SAMD4A: variants seen among roughly 807,000 people sequenced by gnomAD.
SAMD4A encodes the protein sterile alpha motif domain containing 4A.
SAMD4A carries 33 observed loss-of-function variants against 81.3 expected under a neutral mutation model. The ratio of observed to expected loss-of-function variants is 0.41; its 90% confidence interval spans 0.31 to 0.54. The LOEUF is 0.54. SAMD4A is among the 20% of genes least tolerant of loss of function. The pLI is 0.37. For missense variants in SAMD4A, 854 were observed against 951.1 expected (o/e 0.90, Z 1.34); for synonymous variants, 389 against 382.1 (o/e 1.02, Z -0.21).
intron 2 of SAMD4A, among the ~76,000 whole-genome samples, chr14:54,579,205 G>T (rs1425757057): frequency 6.6e-6 from 1 of 152,192 alleles, no homozygotes; most frequent in African/African-American, 2.4e-5. Flanking sequence ...CAGAACGAGT[G>T]GTTGTGAAAA....
At chr14:54,750,354 C>A (rs1161536106) in intron 5 of SAMD4A, among the ~76,000 whole-genome samples, 1 of 152,164 alleles carries the variant, frequency 6.6e-6, no homozygotes, top group Non-Finnish European at 1.5e-5. Flanking sequence ...ATATTCCTAT[C>A]TTTTCCTTCT....
At chr14:54,596,642 G>A (rs1057271587) in intron 2 of SAMD4A, among the ~76,000 whole-genome samples, 2 of 152,146 alleles carry the variant, frequency 1.3e-5, no homozygotes, top group Non-Finnish European at 1.5e-5. Context: ...AGGAGCTGAC[G>A]CCTTAGGCAG....
rs2032979012 is a variant in SAMD4A at position 54,567,655 on chromosome 14, T to C, written c.-262T>C. ...TGCCTTGTGGGGGATTTTTAAAAAG[T>C]CGTTTTTTTTTTTAAAGAAACATTT... On this transcript the variant is annotated 5_prime_UTR_variant, in exon 2 of 13. Coordinates refer to ENST00000554335, the MANE Select transcript of SAMD4A (RefSeq NM_015589.6). The C allele has an allele frequency of 2.2e-6, 1 of 457,932 alleles. No individual in the cohort carries two copies. The highest frequency in any genetic ancestry group is 2.6e-5 in the African/African-American group (1 of 38,612). 28.4% of individuals were successfully genotyped at this position (457,932 alleles called of 1,614,324 possible).
chr14:54,721,207 A>C (rs552195906), intron 3 of SAMD4A, among the ~76,000 whole-genome samples: 4 of 152,346 alleles, frequency 2.6e-5, no homozygotes, highest in Admixed American at 6.5e-5. Context: ...TCACCATAGC[A>C]TTCCATTGTC....
chr14:54,680,814 A>G (rs1028195086), intron 2 of SAMD4A, among the ~76,000 whole-genome samples: 6 of 152,208 alleles, frequency 3.9e-5, no homozygotes, highest in Non-Finnish European at 8.8e-5. Flanking sequence ...TGTTATTGTT[A>G]GATAATCATA....
At chr14:54,571,960 T>C (rs1052054633) in intron 2 of SAMD4A, among the ~76,000 whole-genome samples, 3 of 152,216 alleles carry the variant, frequency 2.0e-5, no homozygotes, top group African/African-American at 7.2e-5. Flanking sequence ...GCGTTACTTT[T>C]TAAGGTTACA....
At chr14:54,637,365 CAAAAAAAAAA>C (rs1172084217) in intron 2 of SAMD4A, among the ~76,000 whole-genome samples, 1 of 63,792 alleles carries the variant, frequency 1.6e-5, no homozygotes, top group South Asian at 5.5e-4. Flanking sequence ...AACTCCATCT[CAAAAAAAAAA>C]AAAAAAAAAA....
chr14:54,746,557 A>C (rs995418758), intron 4 of SAMD4A, among the ~76,000 whole-genome samples: 2 of 152,166 alleles, frequency 1.3e-5, no homozygotes, highest in African/African-American at 4.8e-5. Context: ...TCTAGCACTG[A>C]TTGAGCTGGG....
chr14:54,698,171 T>G (rs1464400898), intron 2 of SAMD4A, among the ~76,000 whole-genome samples: 1 of 152,260 alleles, frequency 6.6e-6, no homozygotes, highest in African/African-American at 2.4e-5. Flanking sequence ...ACAATAGGTA[T>G]AACTTACATT....
chr14:54,686,302 T>C (rs2036267604), intron 2 of SAMD4A, among the ~76,000 whole-genome samples: 2 of 151,058 alleles, frequency 1.3e-5, no homozygotes, highest in African/African-American at 4.9e-5. Flanking sequence ...CAGTTGGGGG[T>C]TTTCTTATCA....
At chr14:54,688,948 T>TTTTTTTTTTGG (rs2036355905) in intron 2 of SAMD4A, among the ~76,000 whole-genome samples, 2 of 148,052 alleles carry the variant, frequency 1.4e-5, no homozygotes, top group Non-Finnish European at 3.0e-5. Context: ...TTTTTTTTTT[T>TTTTTTTTTTGG]GAGGCGGAGT....
chr14:54,608,320 A>G (rs1356915029), intron 2 of SAMD4A, among the ~76,000 whole-genome samples: 4 of 152,198 alleles, frequency 2.6e-5, no homozygotes, highest in Admixed American at 2.6e-4. Flanking sequence ...GGTGTCCTGT[A>G]CAAAACATAG....
chr14:54,586,086 C>A (rs943758737), intron 2 of SAMD4A, among the ~76,000 whole-genome samples: 2 of 152,126 alleles, frequency 1.3e-5, no homozygotes, highest in Non-Finnish European at 2.9e-5. Context: ...TTCACCACAT[C>A]CCCGCCAATA....
At chr14:54,658,827 C>T (rs771866345) in intron 2 of SAMD4A, among the ~76,000 whole-genome samples, 3 of 152,228 alleles carry the variant, frequency 2.0e-5, no homozygotes, top group Admixed American at 6.5e-5. Flanking sequence ...TGCATAGCCT[C>T]GTATTACTAT....
intron 3 of SAMD4A, among the ~76,000 whole-genome samples, chr14:54,735,890 A>G (rs1159857198): frequency 6.6e-6 from 1 of 152,240 alleles, no homozygotes; most frequent in Non-Finnish European, 1.5e-5. Flanking sequence ...TAAATTTGGG[A>G]GAGCAAATGC....
intron 2 of SAMD4A, among the ~76,000 whole-genome samples, chr14:54,647,918 T>G (rs1264852358): frequency 6.6e-6 from 1 of 152,202 alleles, no homozygotes; most frequent in African/African-American, 2.4e-5. Context: ...TTGTATAAAA[T>G]GTTGAGTTGA....
intron 2 of SAMD4A, among the ~76,000 whole-genome samples, chr14:54,626,059 T>TGTGTGTGTGTGTGTGTGC (rs368142521): frequency 9.8e-6 from 1 of 102,096 alleles, no homozygotes; most frequent in African/African-American, 4.0e-5. Context: ...TGTGTGTGTG[T>TGTGTGTGTGTGTGTGTGC]GCGCGCGCGC....
chr14:54,777,698 G>T (rs369046605), intron 11 of SAMD4A, among the ~76,000 whole-genome samples: 13 of 152,078 alleles, frequency 8.5e-5, no homozygotes, highest in African/African-American at 2.9e-4. Context: ...GGAATTGGGA[G>T]GTCAGGGAGG....
intron 3 of SAMD4A, among the ~76,000 whole-genome samples, chr14:54,727,026 C>T (rs1367579574): frequency 6.6e-6 from 1 of 151,998 alleles, no homozygotes; most frequent in East Asian, 1.9e-4. Context: ...CTTATCAATA[C>T]ATAATGTTGT....
Sources: allele counts gnomAD v4.1 joint callset (sites outside exome capture counted in the v4.1 genomes callset), GRCh38; gene constraint gnomAD v4.1.1; transcripts MANE v1.5; gene names NCBI Gene and HGNC (gene_info 2026-07-23, HGNC 2026-07-21).